The following ITIH5 variants were observed in gnomAD, a reference collection of about 807,000 sequenced individuals.
ITIH5 encodes inter-alpha-trypsin inhibitor heavy chain H5.
ITIH5 carries 65 observed loss-of-function variants against 77.5 expected under a neutral mutation model. The ratio of observed to expected loss-of-function variants is 0.84; its 90% CI spans 0.69 to 1.03. The LOEUF is 1.03. ITIH5 is among the 50% of genes least tolerant of loss of function. ITIH5 has a pLI of 0.00. For synonymous variants in ITIH5, 525 were observed against 494.3 expected, an observed-to-expected ratio of 1.06 and a Z score of -0.82; for missense variants, 1,208 against 1,213.1, an observed-to-expected ratio of 1.00 and a Z score of 0.06.
intron 7 of ITIH5, among the ~76,000 whole-genome samples, chr10:7,587,844 G>A (rs1394276259): frequency 2.0e-5 from 3 of 152,112 alleles, no homozygotes; most frequent in Non-Finnish European, 2.9e-5. Context: ...TCTCTTCCCC[G>A]GTTCATGACT....
In ITIH5 at chr10:7,616,045, T is replaced by C. The variant is rs1397719110; in HGVS notation, c.876A>G (p.Leu292=). ...HYFAPKDLPP[L]PKNVVFVLDS... is the part of the protein sequence containing the mutation. The stretch of plus-strand genomic sequence containing the variant: ...CAAGCACGAATACCACATTCTTGGG[T>C]AAAGGAGGAAGGTCTTTAGGAGCAA... Residue 292 remains leucine (L), a synonymous_variant, in exon 7 of 14, where the codon TTA becomes TTG. Transcript: ENST00000397146. The C allele has an allele frequency of 2.5e-6, 4 of 1,613,784 alleles. No homozygotes were observed. The highest frequency in any genetic ancestry group is 3.4e-6 in the Non-Finnish European group (4 of 1,179,714).
intron 4 of ITIH5, among the ~76,000 whole-genome samples, chr10:7,639,218 T>C (rs571296900): frequency 7.2e-5 from 11 of 152,242 alleles, no homozygotes; most frequent in African/African-American, 2.6e-4. Flanking sequence ...GAGACAGGGT[T>C]TTTATAGAAT....
intron 2 of ITIH5, among the ~76,000 whole-genome samples, chr10:7,653,453 C>A (rs1167078865): frequency 6.6e-6 from 1 of 152,118 alleles, no homozygotes. Context: ...GGTGATTCAC[C>A]CCCCTCAGCC....
chr10:7,661,093 T>C (rs928208773), intron 1 of ITIH5, among the ~76,000 whole-genome samples: 5 of 152,222 alleles, frequency 3.3e-5, no homozygotes, highest in East Asian at 1.9e-4. Context: ...GGGATCTAGG[T>C]TGTGTTCTCC....
At chr10:7,590,973 T>G (rs1359262599) in intron 7 of ITIH5, among the ~76,000 whole-genome samples, 2 of 152,242 alleles carry the variant, frequency 1.3e-5, no homozygotes, top group Middle Eastern at 3.2e-3. Context: ...ATCCACTCAC[T>G]GCAACCTCCG....
At chr10:7,608,793 G>A (rs1833183854) in intron 7 of ITIH5, among the ~76,000 whole-genome samples, 1 of 152,148 alleles carries the variant, frequency 6.6e-6, no homozygotes, top group South Asian at 2.1e-4. Flanking sequence ...CCCCATACAC[G>A]CCCAAGGAGT....
chr10:7,618,941 C>T (rs952786467), intron 5 of ITIH5: 4 of 152,178 alleles, frequency 2.6e-5, no homozygotes, highest in Non-Finnish European at 5.9e-5. Flanking sequence ...ATTATTTGCA[C>T]TTATCAAGGA....
At chr10:7,641,841 A>G (rs1833894214) in intron 3 of ITIH5, 86 bp downstream of exon 3, 3 of 1,066,874 alleles carry the variant, frequency 2.8e-6, no homozygotes, top group African/African-American at 3.2e-5. Context: ...AAATCCTCAC[A>G]GTCACAAGGC....
At chr10:7,643,674 A>T (rs1219094586) in intron 2 of ITIH5, among the ~76,000 whole-genome samples, 1 of 152,170 alleles carries the variant, frequency 6.6e-6, no homozygotes. Context: ...GGCAATGTTT[A>T]TTTCAGCCCT....
rs35566317 is a variant in ITIH5 at position 7,616,021 on chromosome 10, A to G, written c.900T>C (p.Leu300=). Residue 300 remains leucine, a synonymous_variant, in exon 7 of 14, where the codon CTT becomes CTC. Transcript: ENST00000397146. ...TTCCCACCATAGAAGCACTGCTGTC[A>G]AGCACGAATACCACATTCTTGGGTA... is the stretch of plus-strand genomic sequence containing the variant. The part of the protein sequence containing the change: ...PPLPKNVVFV[L]DSSASMVGTK... The G allele has an allele frequency of 3.9e-3, 6,252 of 1,613,420 alleles. 222 individuals carry two copies. In the African/African-American group the frequency reaches 0.073, roughly 19 times the overall value.
At chr10:7,601,082 A>G (rs1320643565) in intron 7 of ITIH5, among the ~76,000 whole-genome samples, 2 of 152,178 alleles carry the variant, frequency 1.3e-5, no homozygotes, top group African/African-American at 4.8e-5. Flanking sequence ...GTGGGGAAAG[A>G]GCTCTTAATT....
chr10:7,664,681 C>T (rs1834334253), intron 1 of ITIH5, among the ~76,000 whole-genome samples: 1 of 152,164 alleles, frequency 6.6e-6, no homozygotes, highest in South Asian at 2.1e-4. Context: ...TTTCCAATTA[C>T]AGGTGAATGA....
At chr10:7,644,416 T>C (rs376607980) in intron 2 of ITIH5, among the ~76,000 whole-genome samples, 19 of 137,406 alleles carry the variant, frequency 1.4e-4, no homozygotes, top group East Asian at 4.4e-4. Flanking sequence ...ACATATATCA[T>C]ATATATCACA....
chr10:7,639,299 G>C (rs1833846767), intron 4 of ITIH5, among the ~76,000 whole-genome samples: 1 of 152,220 alleles, frequency 6.6e-6, no homozygotes, highest in Non-Finnish European at 1.5e-5. Context: ...CAAAGGCTGT[G>C]TGTAAAACCA....
rs888508037 is a variant in ITIH5 at position 7,630,825 on chromosome 10, C to T, written c.652+6403G>A. ...AACCTGATACTCTATCTCTTTCTTT[C>T]GTGTTCTTAACGGCCAAACACTTCT... On this transcript the variant is annotated intron_variant, in intron 5 of 13. Transcript: ENST00000397146. Among the ~76,000 whole-genome samples the T allele has an allele frequency of 9.2e-5, 14 of 151,536 alleles. No individual in the cohort carries two copies. In the East Asian group the frequency reaches 2.5e-3, roughly 27 times the overall value.
intron 5 of ITIH5, among the ~76,000 whole-genome samples, chr10:7,635,448 C>T (rs1374089149): frequency 1.3e-5 from 2 of 152,160 alleles, no homozygotes; most frequent in East Asian, 3.8e-4. Context: ...ACAGCTACCA[C>T]CTGCATGACC....
chr10:7,652,858 G>A (rs895373647), intron 2 of ITIH5, among the ~76,000 whole-genome samples: 1 of 151,500 alleles, frequency 6.6e-6, no homozygotes. Flanking sequence ...ACAATGAGGT[G>A]GATAAAAAAC....
At chr10:7,569,069 T>C (rs573860380) in intron 12 of ITIH5, 1 of 134,002 alleles carries the variant, frequency 7.5e-6, no homozygotes, top group Admixed American at 9.0e-5. Flanking sequence ...CAGGCTGGAG[T>C]GCAGTGGCAT....
intron 5 of ITIH5, among the ~76,000 whole-genome samples, chr10:7,632,086 A>C (rs955674645): frequency 3.9e-5 from 6 of 151,924 alleles, no homozygotes; most frequent in African/African-American, 1.5e-4. Context: ...GGCATGAACC[A>C]CTGCACCTGG....
Sources: gnomAD v4.1 joint callset for allele counts (sites outside exome capture counted in the v4.1 genomes callset) on GRCh38, gnomAD v4.1.1 for gene constraint, MANE v1.5 for transcripts, NCBI Gene and HGNC (gene_info 2026-07-23, HGNC 2026-07-21) for gene names.